SNX9: variants seen among roughly 807,000 people sequenced by gnomAD.
The protein encoded by SNX9 is sorting nexin 9.
A neutral mutation model predicts 89.4 loss-of-function variants in SNX9; 44 were observed. The observed-to-expected ratio is 0.49, with a 90% CI of 0.39 to 0.63. The LOEUF (loss-of-function observed/expected upper bound fraction) is 0.63, where lower values mean the gene tolerates loss of function less well. Ranked by LOEUF, SNX9 falls within the 30% of genes least tolerant of loss-of-function variation. The pLI, the probability that SNX9 is intolerant of heterozygous loss-of-function variation, is 0.00. For synonymous variants in SNX9, 236 were observed against 247.8 expected (o/e 0.95, Z 0.45); for missense variants, 578 against 736.1 (o/e 0.79, Z 2.49).
chr6:157,912,489 C>T (rs946084121), intron 9 of SNX9, among the ~76,000 whole-genome samples: 31 of 152,200 alleles, frequency 2.0e-4, no homozygotes, highest in Middle Eastern at 3.2e-3. Context: ...GCAGCAGCCC[C>T]TCGGTGTGAA....
chr6:157,841,339 G>A lies in SNX9; in HGVS notation c.12+17893G>A, dbSNP rs555702900. Among the ~76,000 whole-genome samples the A allele has an allele frequency of 3.3e-5, 5 of 152,320 alleles. No individual in the cohort carries two copies. In the East Asian group the frequency reaches 7.7e-4, roughly 23 times the overall value. ...CCCCCAATGATTAGGAGAGGCACAA[G>A]ATAGAAATACAGATTTTATTACCTA... On this transcript the variant is annotated intron_variant, in intron 1 of 17. Transcript: ENST00000392185.
At chr6:157,890,469 T>C (rs191405325) in intron 4 of SNX9, among the ~76,000 whole-genome samples, 2 of 152,354 alleles carry the variant, frequency 1.3e-5, no homozygotes, top group East Asian at 3.9e-4. Flanking sequence ...ATTTAGAACG[T>C]TAAACCAGCA....
intron 12 of SNX9, among the ~76,000 whole-genome samples, chr6:157,931,158 A>G (rs927325484): frequency 2.0e-5 from 3 of 152,144 alleles, no homozygotes; most frequent in Non-Finnish European, 4.4e-5. Flanking sequence ...TAAAATTCCT[A>G]ATGTGTAGAA....
At chr6:157,858,428 G>A (rs1245982775) in intron 1 of SNX9, among the ~76,000 whole-genome samples, 1 of 151,816 alleles carries the variant, frequency 6.6e-6, no homozygotes, top group Admixed American at 6.6e-5. Flanking sequence ...GTCCATGTTG[G>A]TCAGGCTGGT....
intron 4 of SNX9, among the ~76,000 whole-genome samples, chr6:157,892,542 A>C (rs1189107568): frequency 6.6e-6 from 1 of 152,194 alleles, no homozygotes; most frequent in Non-Finnish European, 1.5e-5. Context: ...ACTTAGGTGG[A>C]GAGCTAAGAT....
chr6:157,925,478 A>G (rs189640950), intron 10 of SNX9, among the ~76,000 whole-genome samples: 1 of 152,208 alleles, frequency 6.6e-6, no homozygotes, highest in East Asian at 1.9e-4. Flanking sequence ...CCACTCCTGG[A>G]TATGTACTGA....
At chr6:157,836,548 T>C (rs538840268) in intron 1 of SNX9, among the ~76,000 whole-genome samples, 1 of 152,146 alleles carries the variant, frequency 6.6e-6, no homozygotes, top group East Asian at 1.9e-4. Context: ...ACAGAGTTTC[T>C]GATTCAGGAG....
rs182818446 is a variant in SNX9 at position 157,902,180 on chromosome 6, T to G, written c.620+135T>G. The G allele has an allele frequency of 7.0e-5, 51 of 727,030 alleles. No individual in the cohort carries two copies. The African/African-American group carries it at 9.0e-4, about 13-fold the overall frequency. 45.0% of individuals were successfully genotyped at this position (727,030 alleles called of 1,614,324 possible). A position where few individuals can be genotyped will look rare whatever the true frequency, so the allele number is the denominator to read the frequency against. ...CTAAGTTTTGGATATGATTCAGTTA[T>G]TTTTATTTGGATCTTAACTGAGAAG... is the stretch of plus-strand genomic sequence containing the variant. On this transcript the variant is annotated intron_variant, in intron 6 of 17. Transcript: ENST00000392185.
chr6:157,869,464 C>G (rs1782343405), intron 2 of SNX9, among the ~76,000 whole-genome samples: 1 of 152,182 alleles, frequency 6.6e-6, no homozygotes, highest in Non-Finnish European at 1.5e-5. Context: ...CTCTGTATTT[C>G]TGTTGTGGCG....
chr6:157,915,640 A>AAAAATATATATATATATAT (rs1472422303), intron 9 of SNX9, among the ~76,000 whole-genome samples: 11 of 95,128 alleles, frequency 1.2e-4, no homozygotes, highest in Admixed American at 2.0e-4. Flanking sequence ...AAAAAAAAAA[A>AAAAATATATATATATATAT]ATATATATAT....
chr6:157,849,376 A>T (rs1446120045), intron 1 of SNX9, among the ~76,000 whole-genome samples: 1 of 152,232 alleles, frequency 6.6e-6, no homozygotes, highest in African/African-American at 2.4e-5. Flanking sequence ...GTGAACAGAT[A>T]GATGTTGAGC....
chr6:157,848,095 C>T (rs919685579), intron 1 of SNX9, among the ~76,000 whole-genome samples: 4 of 152,188 alleles, frequency 2.6e-5, no homozygotes, highest in African/African-American at 9.7e-5. Flanking sequence ...CCTGGAATTG[C>T]TTTGCGTGTT....
At chr6:157,871,773 C>CTTT (rs750179923) in intron 2 of SNX9, among the ~76,000 whole-genome samples, 8 of 122,214 alleles carry the variant, frequency 6.5e-5, no homozygotes, top group Non-Finnish European at 8.5e-5. Flanking sequence ...TCAGTCTTAC[C>CTTT]TTTTTTTTTT....
At position 157,823,503 on chromosome 6, in the gene SNX9, AGGGTCG is replaced by A; in HGVS notation, c.12+61_12+66del. On this transcript the variant is annotated intron_variant, in intron 1 of 17. Coordinates refer to ENST00000392185, the MANE Select transcript of SNX9 (RefSeq NM_016224.5). This position sits in a 1 kb window ranked among gnomAD's most constrained non-coding sequence, Gnocchi z 4.6. The stretch of plus-strand genomic sequence containing the variant: ...CGCTCAGGCCCGGGGCGGCGCGGAG[AGGGTCG>A]GGGCCGGGGCCGCGGGGAGGGTCGG... 3 of 1,147,752 alleles carry A rather than the reference AGGGTCG, an allele frequency of 2.6e-6. No homozygotes were observed. Among genetic ancestry groups the A allele is most frequent in the Non-Finnish European group, 3.2e-6 (3 of 935,130 alleles). 71.1% of individuals were successfully genotyped at this position (1,147,752 alleles called of 1,614,324 possible).
At chr6:157,911,529 C>A (rs930300856) in intron 9 of SNX9, among the ~76,000 whole-genome samples, 1 of 152,242 alleles carries the variant, frequency 6.6e-6, no homozygotes, top group African/African-American at 2.4e-5. Flanking sequence ...CTGGACACTT[C>A]CCGAGTGCCT....
intron 1 of SNX9, among the ~76,000 whole-genome samples, chr6:157,827,798 A>G (rs1781409150): frequency 6.6e-6 from 1 of 150,576 alleles, no homozygotes; most frequent in Admixed American, 6.6e-5. Flanking sequence ...ACTAATTTGG[A>G]TCCTTTTGTG....
intron 1 of SNX9, among the ~76,000 whole-genome samples, chr6:157,833,229 TG>T (rs1238484490): frequency 6.6e-6 from 1 of 152,226 alleles, no homozygotes; most frequent in East Asian, 1.9e-4. Flanking sequence ...TGTTTTAGTT[TG>T]TTTTATAGTC....
intron 12 of SNX9, 104 bp downstream of exon 12, chr6:157,928,806 A>G: frequency 1.2e-6 from 1 of 853,772 alleles, no homozygotes; most frequent in Non-Finnish European, 1.7e-6. Flanking sequence ...ACAGAAGTGT[A>G]TTTGGTGGAC....
Position 157,875,225 on chromosome 6 carries a change from G to C in SNX9, c.300+49G>C, listed in dbSNP as rs770467704. On this transcript the variant is annotated intron_variant, in intron 4 of 17. Transcript: ENST00000392185. ...GATGTGGCTGGCTTTACGGAAAACA[G>C]AGCGTATTTGTGAAGGCTTGTGATG... 5 of 1,571,132 alleles carry C rather than the reference G, an allele frequency of 3.2e-6. No homozygotes were observed. In the East Asian group the frequency reaches 1.2e-4, roughly 36 times the overall value.
Sources: allele counts gnomAD v4.1 joint callset (sites outside exome capture counted in the v4.1 genomes callset), GRCh38; gene constraint gnomAD v4.1.1; non-coding constraint Gnocchi (gnomAD v3.1); transcripts MANE v1.5; gene names NCBI Gene and HGNC (gene_info 2026-07-23, HGNC 2026-07-21).